RPS6KA5: variants seen among roughly 807,000 people sequenced by gnomAD.
RPS6KA5 encodes the protein ribosomal protein S6 kinase A5.
In RPS6KA5, 27 loss-of-function variants were observed where a neutral mutation model predicts 85.5. The observed-to-expected ratio is 0.32, with a 90% CI of 0.23 to 0.44. The LOEUF (loss-of-function observed/expected upper bound fraction) is 0.44. Among genes scored for constraint, RPS6KA5 ranks in the 20% least tolerant of loss-of-function variants. The pLI, the probability that RPS6KA5 is intolerant of heterozygous loss-of-function variation, is 1.00. For synonymous variants in RPS6KA5, 334 were observed against 348.2 expected, an observed-to-expected ratio of 0.96 and a Z score of 0.46; for missense variants, 811 against 980.9, an observed-to-expected ratio of 0.83 and a Z score of 2.31.
chr14:90,861,463 A>C lies in RPS6KA5; in HGVS notation c.*10611T>G, dbSNP rs1169841566. 6.7e-6 allele frequency: 1 copy of C among 149,252 alleles called. No homozygotes were observed. The highest frequency in any genetic ancestry group is 1.5e-5 in the Non-Finnish European group (1 of 66,966). The allele number at this position is 149,252 out of a possible 1,614,324, so 9.2% of individuals were successfully genotyped here. A position where few individuals can be genotyped will look rare whatever the true frequency, so the allele number is the denominator to read the frequency against. ...CATGAACCCGGGAGGCGGAGCTTGC[A>C]GTGAGCCGAGATCCCGCCACTGCAC... On this transcript the variant is annotated 3_prime_UTR_variant, in exon 17 of 17. Coordinates refer to ENST00000614987, the MANE Select transcript of RPS6KA5 (RefSeq NM_004755.4).
At chr14:91,059,211 A>C (rs2043496067) in intron 1 of RPS6KA5, among the ~76,000 whole-genome samples, 1 of 135,832 alleles carries the variant, frequency 7.4e-6, no homozygotes. Context: ...ATGGTGGCGC[A>C]TGCCTGTAAT....
At position 91,060,475 on chromosome 14, in the gene RPS6KA5, A is replaced by G; in HGVS notation, c.-41T>C. On this transcript the variant is annotated 5_prime_UTR_variant, in exon 1 of 17. Transcript: ENST00000614987. Reference sequence around the variant, plus strand: ...CGATCCCGCGGGTCGCTACGAGGGGAACCCAGGAGACAGCGGACGCCCGTC... The same window carrying G: ...CGATCCCGCGGGTCGCTACGAGGGGGACCCAGGAGACAGCGGACGCCCGTC... The G allele has an allele frequency of 7.4e-7, 1 of 1,352,258 alleles. No homozygotes were observed. The highest frequency in any genetic ancestry group is 2.0e-5 in the South Asian group (1 of 50,802). The allele number at this position is 1,352,258 out of a possible 1,614,324, so 83.8% of individuals were successfully genotyped here.
chr14:90,959,426 A>G (rs1672276546), intron 3 of RPS6KA5, among the ~76,000 whole-genome samples: 1 of 152,204 alleles, frequency 6.6e-6, no homozygotes, highest in Non-Finnish European at 1.5e-5. Flanking sequence ...ATCACTCGCA[A>G]TAATAAATAA....
intron 3 of RPS6KA5, among the ~76,000 whole-genome samples, chr14:90,969,601 G>A (rs1296433567): frequency 6.6e-6 from 1 of 152,188 alleles, no homozygotes; most frequent in Non-Finnish European, 1.5e-5. Flanking sequence ...TGTAGGAGGG[G>A]AAGTCGTAGA....
Position 90,899,332 on chromosome 14 carries a change from A to G in RPS6KA5, c.1470T>C (p.Asp490=), listed in dbSNP as rs2035025186. 3 of 1,580,638 alleles carry G rather than the reference A, an allele frequency of 1.9e-6. No homozygotes were observed. Among genetic ancestry groups the G allele is most frequent in the Admixed American group, 3.5e-5 (2 of 57,712 alleles). ...AAAAAAAAAAAAAGTAGGATACCTG[A>G]TCATGAAAAACTTCATGCAACTTCA... The part of the protein sequence containing the change: ...NIVKLHEVFH[D]QLHTFLVMEL... The change falls in exon 12 of 17, where the codon GAT becomes GAC. Residue 490 remains aspartate (D), a synonymous_variant. Coordinates refer to ENST00000614987, the MANE Select transcript of RPS6KA5 (RefSeq NM_004755.4).
intron 2 of RPS6KA5, among the ~76,000 whole-genome samples, chr14:90,981,349 G>C (rs530883342): frequency 1.4e-4 from 22 of 152,168 alleles, no homozygotes; most frequent in African/African-American, 4.8e-4. Flanking sequence ...CAATCTCAAA[G>C]TAAGATGACT....
In RPS6KA5 at chr14:90,922,511, C is replaced by A. The variant is rs1460613927; in HGVS notation, c.702+602G>T. 2.6e-5 allele frequency among the ~76,000 whole-genome samples: 4 copies of A among 152,346 alleles called. No individual in the cohort carries two copies. In the South Asian group the frequency reaches 8.3e-4, roughly 32 times the overall value. On this transcript the variant is annotated intron_variant, in intron 6 of 16. Coordinates refer to ENST00000614987, the MANE Select transcript of RPS6KA5 (RefSeq NM_004755.4). The stretch of plus-strand genomic sequence containing the variant: ...CTGCCCAGGCTGGAGTGCAATGGCA[C>A]AATTTCTGCTCACTGCAACCTCTGC...
At chr14:91,013,760 C>T (rs2041361918) in intron 1 of RPS6KA5, among the ~76,000 whole-genome samples, 1 of 152,116 alleles carries the variant, frequency 6.6e-6, no homozygotes, top group African/African-American at 2.4e-5. Context: ...GCAGCAGCAG[C>T]GTGGAAAACA....
intron 1 of RPS6KA5, among the ~76,000 whole-genome samples, chr14:91,015,242 A>G (rs1209987607): frequency 6.6e-6 from 1 of 152,040 alleles, no homozygotes; most frequent in African/African-American, 2.4e-5. Context: ...GAATCTAGAC[A>G]TATAAAGAAC....
intron 14 of RPS6KA5, 143 bp downstream of exon 14, chr14:90,890,344 A>G: frequency 9.8e-6 from 5 of 510,366 alleles, no homozygotes; most frequent in South Asian, 5.7e-5. Context: ...AATACTATTC[A>G]GTCAGGCCTC....
At chr14:91,027,624 TTAATA>T (rs1039534998) in intron 1 of RPS6KA5, among the ~76,000 whole-genome samples, 3 of 152,350 alleles carry the variant, frequency 2.0e-5, no homozygotes, top group Admixed American at 6.5e-5. Context: ...TTTCTGTGGC[TTAATA>T]TAATAGTTCA....
chr14:90,898,866 T>C (rs1372458697), intron 12 of RPS6KA5, among the ~76,000 whole-genome samples: 1 of 152,210 alleles, frequency 6.6e-6, no homozygotes, highest in South Asian at 2.1e-4. Flanking sequence ...AAAAGGAGTA[T>C]CTTTGCTTTC....
intron 5 of RPS6KA5, among the ~76,000 whole-genome samples, chr14:90,939,502 G>A (rs546859771): frequency 6.6e-6 from 1 of 152,266 alleles, no homozygotes; most frequent in East Asian, 1.9e-4. Context: ...CCAAGACTAG[G>A]CAATTTACAA....
chr14:90,931,665 T>G (rs150257261), intron 5 of RPS6KA5, among the ~76,000 whole-genome samples: 1 of 151,860 alleles, frequency 6.6e-6, no homozygotes, highest in East Asian at 1.9e-4. Context: ...GAAAAGAAAT[T>G]TACAAAACAT....
chr14:90,928,260 A>G (rs192292954), intron 5 of RPS6KA5, among the ~76,000 whole-genome samples: 1 of 152,136 alleles, frequency 6.6e-6, no homozygotes, highest in Admixed American at 6.6e-5. Flanking sequence ...AATACTATAT[A>G]TAAGAACTTG....
At chr14:90,942,136 C>T (rs1472508970) in intron 5 of RPS6KA5, among the ~76,000 whole-genome samples, 1 of 152,078 alleles carries the variant, frequency 6.6e-6, no homozygotes, top group Non-Finnish European at 1.5e-5. Context: ...TATAAGTAAA[C>T]TGAATGAATA....
intron 1 of RPS6KA5, among the ~76,000 whole-genome samples, chr14:91,040,084 C>G (rs2042547916): frequency 6.6e-6 from 1 of 152,126 alleles, no homozygotes; most frequent in African/African-American, 2.4e-5. Context: ...AACTAGAGTC[C>G]TGGCAGAATA....
At chr14:90,881,981 TA>T (rs1170089262) in intron 14 of RPS6KA5, among the ~76,000 whole-genome samples, 1 of 152,266 alleles carries the variant, frequency 6.6e-6, no homozygotes, top group Non-Finnish European at 1.5e-5. Flanking sequence ...GCATTTAAAG[TA>T]ATTACTGATA....
At chr14:91,002,060 A>T (rs1427937022) in intron 1 of RPS6KA5, among the ~76,000 whole-genome samples, 1 of 152,168 alleles carries the variant, frequency 6.6e-6, no homozygotes, top group African/African-American at 2.4e-5. Context: ...TATTAACATT[A>T]TGTGAACTAG....
Sources: allele counts gnomAD v4.1 joint callset (sites outside exome capture counted in the v4.1 genomes callset), GRCh38; gene constraint gnomAD v4.1.1; transcripts MANE v1.5; gene names NCBI Gene and HGNC (gene_info 2026-07-23, HGNC 2026-07-21).